SSBP2: variants seen among roughly 807,000 people sequenced by gnomAD.
SSBP2 encodes the protein single stranded DNA binding protein 2.
Under a neutral mutation model 61.8 loss-of-function variants are expected in SSBP2, and 17 were observed. The observed-to-expected ratio is 0.28, with a 90% confidence interval of 0.19 to 0.41. The LOEUF (loss-of-function observed/expected upper bound fraction) is 0.41. Among genes scored for constraint, SSBP2 ranks in the 10% least tolerant of loss-of-function variants. The pLI is 1.00. For missense variants in SSBP2, 310 were observed against 458.7 expected, an observed-to-expected ratio of 0.68 and a Z score of 2.96; for synonymous variants, 139 against 141.3, an observed-to-expected ratio of 0.98 and a Z score of 0.12.
At chr5:81,464,578 T>C (rs981648184) in intron 9 of SSBP2, among the ~76,000 whole-genome samples, 4 of 152,160 alleles carry the variant, frequency 2.6e-5, no homozygotes, top group East Asian at 1.9e-4. Context: ...AGTTAGAATA[T>C]AGTCTTTAAT....
At chr5:81,596,034 G>A (rs1743711570) in intron 4 of SSBP2, among the ~76,000 whole-genome samples, 1 of 152,180 alleles carries the variant, frequency 6.6e-6, no homozygotes, top group Non-Finnish European at 1.5e-5. Flanking sequence ...ATTAGGAAAA[G>A]AGGAAGTCAA....
At chr5:81,648,154 G>GTTGC (rs1749428258) in intron 2 of SSBP2, among the ~76,000 whole-genome samples, 1 of 151,990 alleles carries the variant, frequency 6.6e-6, no homozygotes, top group Non-Finnish European at 1.5e-5. Flanking sequence ...ATTCCTTTAA[G>GTTGC]ACACTGTAAG....
intron 4 of SSBP2, among the ~76,000 whole-genome samples, chr5:81,566,987 G>A (rs7735215): frequency 0.28 from 42,162 of 152,106 alleles, 6,242 homozygotes; most frequent in African/African-American, 0.39. Flanking sequence ...GGTGACTTGG[G>A]TGCTGTTAAA....
intron 2 of SSBP2, among the ~76,000 whole-genome samples, chr5:81,648,985 T>C (rs987417366): frequency 5.3e-5 from 8 of 152,216 alleles, no homozygotes; most frequent in Admixed American, 1.3e-4. Context: ...TTCACACATA[T>C]AGCACTTCTT....
intron 1 of SSBP2, among the ~76,000 whole-genome samples, chr5:81,677,829 G>GA (rs796801784): frequency 0.11 from 11,044 of 101,912 alleles, 545 homozygotes; most frequent in South Asian, 0.16. Flanking sequence ...CCTTAAGGGT[G>GA]AAAAAAAAAA....
chr5:81,438,591 T>C (rs944226933), intron 14 of SSBP2, among the ~76,000 whole-genome samples: 18 of 152,140 alleles, frequency 1.2e-4, no homozygotes, highest in African/African-American at 4.3e-4. Context: ...AATGCATATA[T>C]GCAATCATAT....
At chr5:81,747,406 GA>G (rs1043977755) in intron 1 of SSBP2, among the ~76,000 whole-genome samples, 3 of 149,306 alleles carry the variant, frequency 2.0e-5, no homozygotes, top group Non-Finnish European at 3.0e-5. Context: ...TTTAATGGAG[GA>G]AAAAAAAAGC....
At chr5:81,642,750 C>T (rs1748902510) in intron 2 of SSBP2, among the ~76,000 whole-genome samples, 1 of 152,134 alleles carries the variant, frequency 6.6e-6, no homozygotes, top group South Asian at 2.1e-4. Flanking sequence ...TATGCTACAA[C>T]CATAAAAAGA....
chr5:81,420,939 C>G (rs905081829), intron 16 of SSBP2, among the ~76,000 whole-genome samples: 1 of 152,074 alleles, frequency 6.6e-6, no homozygotes, highest in African/African-American at 2.4e-5. Context: ...ACTGAGGAGG[C>G]TACCTAACCT....
intron 1 of SSBP2, among the ~76,000 whole-genome samples, chr5:81,722,448 A>C (rs1193868812): frequency 6.8e-6 from 1 of 146,404 alleles, no homozygotes; most frequent in Non-Finnish European, 1.5e-5. Flanking sequence ...AAATCTTGCC[A>C]CTTAATTCTC....
At chr5:81,462,721 A>C (rs1169829322) in intron 9 of SSBP2, among the ~76,000 whole-genome samples, 1 of 152,166 alleles carries the variant, frequency 6.6e-6, no homozygotes, top group East Asian at 1.9e-4. Context: ...ACCAAGTAAA[A>C]CATTTGGGTA....
chr5:81,662,562 G>T (rs1481576923), intron 1 of SSBP2, among the ~76,000 whole-genome samples: 2 of 151,914 alleles, frequency 1.3e-5, no homozygotes, highest in African/African-American at 4.8e-5. Flanking sequence ...CCAACCCTTT[G>T]GGAGGCTGAG....
At chr5:81,500,306 C>T (rs1282758490) in intron 5 of SSBP2, among the ~76,000 whole-genome samples, 3 of 151,778 alleles carry the variant, frequency 2.0e-5, no homozygotes, top group East Asian at 1.9e-4. Context: ...CTCCGCCTCC[C>T]GGGTTCAAGC....
intron 4 of SSBP2, among the ~76,000 whole-genome samples, chr5:81,605,737 A>C (rs1209249384): frequency 6.6e-6 from 1 of 152,222 alleles, no homozygotes; most frequent in Non-Finnish European, 1.5e-5. Flanking sequence ...AGTTTGAATG[A>C]AAAGCAAACC....
intron 4 of SSBP2, among the ~76,000 whole-genome samples, chr5:81,527,538 G>A (rs1009613554): frequency 6.6e-6 from 1 of 151,978 alleles, no homozygotes; most frequent in Non-Finnish European, 1.5e-5. Context: ...CATGGGAGAA[G>A]CATAAGTTAA....
chr5:81,501,208 C>G (rs1192521163), intron 5 of SSBP2, among the ~76,000 whole-genome samples: 1 of 78,958 alleles, frequency 1.3e-5, no homozygotes, highest in Non-Finnish European at 2.7e-5. Flanking sequence ...GAGACTCCAT[C>G]TCAAATATAT....
At chr5:81,657,358 C>T (rs1195663836) in intron 1 of SSBP2, among the ~76,000 whole-genome samples, 2 of 152,084 alleles carry the variant, frequency 1.3e-5, no homozygotes, top group Non-Finnish European at 2.9e-5. Context: ...ATGATAAATA[C>T]ATGTGATGGG....
intron 1 of SSBP2, among the ~76,000 whole-genome samples, chr5:81,724,108 TA>T (rs1755720417): frequency 1.4e-5 from 2 of 144,866 alleles, no homozygotes; most frequent in African/African-American, 5.8e-5. Context: ...AGCACACATT[TA>T]TTTTTTAAAT....
intron 8 of SSBP2, 21 bp from the exon 9 acceptor site, chr5:81,467,086 A>G: frequency 1.3e-6 from 2 of 1,549,644 alleles, no homozygotes; most frequent in Middle Eastern, 1.7e-4. Context: ...ACAAAAAAAC[A>G]AAACCAAAGA....
Sources: allele counts gnomAD v4.1 joint callset (sites outside exome capture counted in the v4.1 genomes callset), GRCh38; gene constraint gnomAD v4.1.1; transcripts MANE v1.5; gene names NCBI Gene and HGNC (gene_info 2026-07-23, HGNC 2026-07-21).